The following CSMD3 variants were observed in gnomAD, a reference collection of about 807,000 sequenced individuals.
The protein encoded by CSMD3 is CUB and sushi domain-containing protein 3.
Under a neutral mutation model 435.2 loss-of-function variants are expected in CSMD3, and 177 were observed. That is an observed-to-expected ratio of 0.41 (90% CI 0.36 to 0.46). The LOEUF (loss-of-function observed/expected upper bound fraction) is 0.46, where lower values mean the gene tolerates loss of function less well. Among genes scored for constraint, CSMD3 ranks in the 20% least tolerant of loss-of-function variants. The pLI is 0.34. For missense variants in CSMD3, 4,265 were observed against 4,504.6 expected (o/e 0.95, Z 1.52); for synonymous variants, 1,656 against 1,520.5 (o/e 1.09, Z -2.07).
intron 28 of CSMD3, among the ~76,000 whole-genome samples, chr8:112,507,607 C>G (rs1699993366): frequency 6.6e-6 from 1 of 152,138 alleles, no homozygotes; most frequent in African/African-American, 2.4e-5. Flanking sequence ...TCTTCTCTCA[C>G]CTTGGTTTCG....
chr8:112,726,879 C>T (rs906107382), intron 13 of CSMD3, among the ~76,000 whole-genome samples: 31 of 151,602 alleles, frequency 2.0e-4, no homozygotes, highest in African/African-American at 7.3e-4. Context: ...AATGATATTA[C>T]ATCAAATTAG....
chr8:112,244,627 T>C, intron 64 of CSMD3, 54 bp from the exon 65 acceptor site: 1 of 1,433,394 alleles, frequency 7.0e-7, no homozygotes, highest in Non-Finnish European at 9.8e-7. Context: ...TTAAGAAAAA[T>C]TTGAGACAGG....
At chr8:112,387,831 T>C (rs1830105737) in intron 36 of CSMD3, among the ~76,000 whole-genome samples, 1 of 152,150 alleles carries the variant, frequency 6.6e-6, no homozygotes, top group South Asian at 2.1e-4. Context: ...AACTCTAAAA[T>C]AGTCAAAACT....
At chr8:113,187,289 C>T (rs147843334) in intron 3 of CSMD3, among the ~76,000 whole-genome samples, 55 of 151,820 alleles carry the variant, frequency 3.6e-4, no homozygotes, top group African/African-American at 1.2e-3. Context: ...CAAATTTCTA[C>T]ATCAAGGGGA....
chr8:112,732,349 G>T (rs922634996), intron 13 of CSMD3, among the ~76,000 whole-genome samples: 5 of 151,956 alleles, frequency 3.3e-5, no homozygotes, highest in African/African-American at 1.2e-4. Flanking sequence ...TGTTAAAATG[G>T]GTTAGTGTTC....
intron 3 of CSMD3, among the ~76,000 whole-genome samples, chr8:113,221,564 G>C (rs973651360): frequency 6.6e-6 from 1 of 151,112 alleles, no homozygotes. Flanking sequence ...AGGTTATCTT[G>C]CAACTGATTT....
chr8:113,040,868 A>T (rs1305219963), intron 5 of CSMD3, among the ~76,000 whole-genome samples: 3 of 152,052 alleles, frequency 2.0e-5, no homozygotes, highest in Non-Finnish European at 4.4e-5. Context: ...CCGCTTCTGG[A>T]TTCCCCCCAC....
chr8:113,343,155 G>T (rs1412170292), intron 1 of CSMD3, among the ~76,000 whole-genome samples: 1 of 151,506 alleles, frequency 6.6e-6, no homozygotes, highest in African/African-American at 2.4e-5. Context: ...CTCTGATATT[G>T]GACTTAGCAG....
At chr8:112,951,020 A>T (rs1352219897) in intron 8 of CSMD3, among the ~76,000 whole-genome samples, 1 of 151,904 alleles carries the variant, frequency 6.6e-6, no homozygotes, top group Non-Finnish European at 1.5e-5. Flanking sequence ...AAAACTTTCC[A>T]ATTTAAAATG....
intron 1 of CSMD3, among the ~76,000 whole-genome samples, chr8:113,358,179 A>C (rs976532950): frequency 1.3e-5 from 2 of 152,208 alleles, no homozygotes; most frequent in African/African-American, 2.4e-5. Flanking sequence ...ACCTAAATGA[A>C]TTGTAAGTGG....
intron 13 of CSMD3, among the ~76,000 whole-genome samples, chr8:112,758,198 C>T (rs2077748828): frequency 6.7e-6 from 1 of 149,684 alleles, no homozygotes; most frequent in South Asian, 2.1e-4. Flanking sequence ...ACTGAAAATA[C>T]AAAAAATTAG....
chr8:112,918,537 G>A (rs2082639041), intron 10 of CSMD3, among the ~76,000 whole-genome samples: 2 of 151,788 alleles, frequency 1.3e-5, no homozygotes, highest in South Asian at 4.2e-4. Context: ...TTAAGTATCA[G>A]GAAGGTCTAA....
intron 10 of CSMD3, among the ~76,000 whole-genome samples, chr8:112,878,651 G>T (rs1269212138): frequency 6.6e-6 from 1 of 152,214 alleles, no homozygotes; most frequent in Non-Finnish European, 1.5e-5. Context: ...CAACAGCAAA[G>T]ACTTGGAACC....
chr8:112,360,727 T>C (rs534998874), intron 38 of CSMD3, among the ~76,000 whole-genome samples: 1 of 152,070 alleles, frequency 6.6e-6, no homozygotes, highest in South Asian at 2.1e-4. Context: ...TACAGGAACA[T>C]ATTCCCTTCA....
At chr8:112,855,068 A>G (rs2080608193) in intron 11 of CSMD3, among the ~76,000 whole-genome samples, 1 of 152,210 alleles carries the variant, frequency 6.6e-6, no homozygotes. Flanking sequence ...AAATTCTTGC[A>G]TTAATTTTAT....
At chr8:113,077,274 C>A (rs2089380475) in intron 5 of CSMD3, among the ~76,000 whole-genome samples, 1 of 151,342 alleles carries the variant, frequency 6.6e-6, no homozygotes, top group African/African-American at 2.4e-5. Flanking sequence ...TTTCTTCCAA[C>A]TAAATGTAAT....
chr8:113,111,978 G>A (rs1049229532), intron 4 of CSMD3, among the ~76,000 whole-genome samples: 5 of 151,970 alleles, frequency 3.3e-5, no homozygotes, highest in Non-Finnish European at 5.9e-5. Context: ...ACTGCGCCTG[G>A]CTGTGTTGCT....
intron 9 of CSMD3, among the ~76,000 whole-genome samples, chr8:112,927,807 G>T (rs547434076): frequency 1.3e-5 from 2 of 151,912 alleles, no homozygotes; most frequent in African/African-American, 4.8e-5. Flanking sequence ...GACTATGTCC[G>T]ATACAAAGAG....
intron 4 of CSMD3, among the ~76,000 whole-genome samples, chr8:113,139,099 A>C (rs1193636904): frequency 2.0e-5 from 3 of 151,060 alleles, no homozygotes; most frequent in Non-Finnish European, 1.5e-5. Flanking sequence ...CAAACAAAAA[A>C]AATCACACAA....
Sources: allele counts gnomAD v4.1 joint callset (sites outside exome capture counted in the v4.1 genomes callset), GRCh38; gene constraint gnomAD v4.1.1; transcripts MANE v1.5; gene names NCBI Gene and HGNC (gene_info 2026-07-23, HGNC 2026-07-21).